Variants in NMNAT3 observed in about 807,000 individuals in gnomAD.
NMNAT3 encodes nicotinamide/nicotinic acid mononucleotide adenylyltransferase 3.
A neutral mutation model predicts 24.8 loss-of-function variants in NMNAT3; 21 were observed. The observed-to-expected ratio is 0.85, with a 90% CI of 0.60 to 1.22. NMNAT3 has a LOEUF of 1.22. Ranked by LOEUF, NMNAT3 falls within the 50% of genes most tolerant of loss-of-function variation. The pLI is 0.00. For synonymous variants in NMNAT3, 136 were observed against 155.2 expected (o/e 0.88, Z 0.92); for missense variants, 387 against 436.6 (o/e 0.89, Z 1.01).
rs1309706634 is a variant in NMNAT3 at position 139,565,510 on chromosome 3, CCCTT to C, written c.659-4122_659-4119del. The C allele has an allele frequency of 1.2e-3, 182 of 152,214 alleles. 1 individual carries two copies. Among genetic ancestry groups the C allele is most frequent in the African/African-American group, 4.0e-3 (168 of 41,510 alleles). The allele number at this position is 152,214 out of a possible 1,614,324, so 9.4% of individuals were successfully genotyped here. ...TATATCTCCTAATGCTATCCCTCCC[CCCTT>C]CCCCCACCCCACAACAGTCCCTACT... On this transcript the variant is annotated intron_variant, in intron 6 of 6. Transcript: ENST00000643695.
chr3:139,670,734 C>T (rs997895099), intron 1 of NMNAT3, among the ~76,000 whole-genome samples: 1 of 152,152 alleles, frequency 6.6e-6, no homozygotes, highest in African/African-American at 2.4e-5. Flanking sequence ...TACAGGGCTA[C>T]CCTAGGCAAT....
chr3:139,676,704 C>T (rs1055803507), intron 1 of NMNAT3, among the ~76,000 whole-genome samples: 4 of 152,128 alleles, frequency 2.6e-5, no homozygotes, highest in African/African-American at 7.2e-5. Context: ...GTAAAGTGGG[C>T]GCCAGTTAAA....
intron 2 of NMNAT3, among the ~76,000 whole-genome samples, chr3:139,633,564 T>C (rs989712374): frequency 6.6e-6 from 1 of 152,172 alleles, no homozygotes; most frequent in African/African-American, 2.4e-5. Flanking sequence ...AAAACACCCA[T>C]CTTTTTAGCG....
At chr3:139,607,007 C>T (rs1031060067) in intron 3 of NMNAT3, among the ~76,000 whole-genome samples, 1 of 152,090 alleles carries the variant, frequency 6.6e-6, no homozygotes, top group African/African-American at 2.4e-5. Context: ...CTGGAATCAA[C>T]CATTTCTCCA....
intron 1 of NMNAT3, among the ~76,000 whole-genome samples, chr3:139,649,034 G>A (rs1446786196): frequency 6.6e-6 from 1 of 152,084 alleles, no homozygotes; most frequent in African/African-American, 2.4e-5. Flanking sequence ...TTGTTGAGGG[G>A]GTGGTAAGAA....
At chr3:139,565,029 G>T (rs754586261) in intron 6 of NMNAT3, among the ~76,000 whole-genome samples, 1 of 152,128 alleles carries the variant, frequency 6.6e-6, no homozygotes, top group Non-Finnish European at 1.5e-5. Flanking sequence ...ATATACTTAA[G>T]ATTATATGCA....
At chr3:139,580,412 C>T (rs1225754389) in intron 4 of NMNAT3, among the ~76,000 whole-genome samples, 3 of 152,108 alleles carry the variant, frequency 2.0e-5, no homozygotes, top group South Asian at 2.1e-4. Context: ...CATGAGCCAC[C>T]GTGCCCAGCC....
Position 139,583,070 on chromosome 3 carries a change from G to A in NMNAT3, c.248C>T (p.Ser83Phe). ...TTCTTCAGTTCTTTTGCGTTTAAAA[G>A]ATGACTTGTCAGGGTCATCATTTTT... The change falls in exon 4 of 7, where the codon TCT becomes TTT. Residue 83 changes from serine to phenylalanine, a missense_variant. Around this residue, in one of 3 missense-constraint regions of NMNAT3, gnomAD observed 323 missense variants for 345.2 expected, o/e 0.94. Coordinates refer to ENST00000643695, the MANE Select transcript of NMNAT3 (RefSeq NM_001320510.2). 1.9e-6 allele frequency: 3 copies of A among 1,604,454 alleles called. No homozygotes were observed. The highest frequency in any genetic ancestry group is 2.6e-6 in the Non-Finnish European group (3 of 1,173,928).
intron 2 of NMNAT3, chr3:139,637,196 A>T (rs2056533020): frequency 6.6e-6 from 1 of 152,226 alleles, no homozygotes; most frequent in Non-Finnish European, 1.5e-5. Flanking sequence ...GGCTTAAAAC[A>T]ATAAAGGTTT....
At chr3:139,561,657 C>T (rs1425445734) in intron 6 of NMNAT3, among the ~76,000 whole-genome samples, 2 of 152,094 alleles carry the variant, frequency 1.3e-5, no homozygotes, top group African/African-American at 2.4e-5. Context: ...TTTCAGTGTT[C>T]TAACAGAAGT....
At chr3:139,605,347 G>T (rs570283274) in intron 3 of NMNAT3, among the ~76,000 whole-genome samples, 1 of 152,320 alleles carries the variant, frequency 6.6e-6, no homozygotes, top group East Asian at 1.9e-4. Flanking sequence ...GACAGGCACA[G>T]ATTTTTTTTT....
chr3:139,614,807 T>C (rs962636543), intron 3 of NMNAT3, among the ~76,000 whole-genome samples: 5 of 152,252 alleles, frequency 3.3e-5, no homozygotes, highest in Non-Finnish European at 5.9e-5. Context: ...AATCAGTCTA[T>C]TGTCAGGAGT....
chr3:139,658,718 T>C (rs973075992), intron 1 of NMNAT3, among the ~76,000 whole-genome samples: 1 of 152,246 alleles, frequency 6.6e-6, no homozygotes, highest in African/African-American at 2.4e-5. Flanking sequence ...TACTTATTTC[T>C]ATACACTTCA....
intron 3 of NMNAT3, among the ~76,000 whole-genome samples, chr3:139,601,678 G>A (rs2054722460): frequency 6.6e-6 from 1 of 152,168 alleles, no homozygotes; most frequent in African/African-American, 2.4e-5. Flanking sequence ...TATGATGGGA[G>A]CCCTGCTCTC....
chr3:139,622,750 G>A (rs887032128), intron 3 of NMNAT3, among the ~76,000 whole-genome samples: 10 of 139,290 alleles, frequency 7.2e-5, no homozygotes, highest in African/African-American at 1.8e-4. Flanking sequence ...AAAAGTGTGT[G>A]TGTATATATA....
chr3:139,620,562 A>G (rs1421605606), intron 3 of NMNAT3, among the ~76,000 whole-genome samples: 1 of 152,140 alleles, frequency 6.6e-6, no homozygotes, highest in Admixed American at 6.5e-5. Context: ...AACTATTCAC[A>G]TGTTGATGGA....
intron 1 of NMNAT3, among the ~76,000 whole-genome samples, chr3:139,657,906 G>C (rs79205987): frequency 0.09 from 13,694 of 151,820 alleles, 955 homozygotes; most frequent in East Asian, 0.23. Flanking sequence ...TGTCATGAGT[G>C]TGCTCTGGGG....
At chr3:139,585,042 A>G (rs1445860213) in intron 3 of NMNAT3, among the ~76,000 whole-genome samples, 1 of 152,140 alleles carries the variant, frequency 6.6e-6, no homozygotes, top group East Asian at 1.9e-4. Context: ...CTTGAAAAAA[A>G]TATATATTCT....
chr3:139,615,928 C>A (rs1376408709), intron 3 of NMNAT3, among the ~76,000 whole-genome samples: 1 of 152,188 alleles, frequency 6.6e-6, no homozygotes, highest in Non-Finnish European at 1.5e-5. Context: ...TATGCTCCCC[C>A]AGGGCTGCTT....
Sources: gnomAD v4.1 joint callset for allele counts (sites outside exome capture counted in the v4.1 genomes callset) on GRCh38, gnomAD v4.1.1 for gene constraint, gnomAD v4.1.1 regional missense constraint, MANE v1.5 for transcripts, NCBI Gene and HGNC (gene_info 2026-07-23, HGNC 2026-07-21) for gene names.